Variants in ARMH4 observed in about 807,000 individuals in gnomAD.
The protein encoded by ARMH4 is armadillo like helical domain containing 4, also known as armadillo-like helical domain-containing protein 4.
In ARMH4, 49 loss-of-function variants were observed where a neutral mutation model predicts 61.9. The observed-to-expected ratio is 0.79, with a 90% CI of 0.63 to 1.00. The LOEUF is 1.00. ARMH4 is among the 50% of genes least tolerant of loss of function. ARMH4 has a pLI of 0.00. For missense variants in ARMH4, 934 were observed against 930.0 expected (o/e 1.00, Z -0.06); for synonymous variants, 368 against 341.5 (o/e 1.08, Z -0.85).
At chr14:58,123,767 T>C (rs1047529244) in intron 4 of ARMH4, among the ~76,000 whole-genome samples, 2 of 152,116 alleles carry the variant, frequency 1.3e-5, no homozygotes, top group Admixed American at 6.5e-5. Context: ...ATAGCCCCCA[T>C]CTATTTGGCC....
At chr14:58,019,114 G>C (rs1566542241) in intron 5 of ARMH4, among the ~76,000 whole-genome samples, 1 of 152,024 alleles carries the variant, frequency 6.6e-6, no homozygotes, top group Non-Finnish European at 1.5e-5. Context: ...GGTGTAGGAG[G>C]GGGTCACGTT....
At chr14:58,077,330 G>A (rs534614783) in intron 5 of ARMH4, among the ~76,000 whole-genome samples, 6 of 152,332 alleles carry the variant, frequency 3.9e-5, no homozygotes, top group East Asian at 3.9e-4. Flanking sequence ...TAGACTGTGC[G>A]TGGTGGTTCA....
In ARMH4 at chr14:58,032,185, G is replaced by C. The variant is rs539460744; in HGVS notation, c.2090-20035C>G. 2.0e-5 allele frequency among the ~76,000 whole-genome samples: 3 copies of C among 152,280 alleles called. No individual in the cohort carries two copies. The South Asian group carries it at 6.2e-4, about 32-fold the overall frequency. On this transcript the variant is annotated intron_variant, in intron 5 of 7. Coordinates refer to ENST00000267485, the MANE Select transcript of ARMH4 (RefSeq NM_001001872.4). ...TCTCTCATCTGGAGAACCCAGATGA[G>C]ACTTATGTGTTTTGCTCATTGCTGC...
chr14:58,108,505 G>T (rs532114367), intron 4 of ARMH4, among the ~76,000 whole-genome samples: 4 of 152,020 alleles, frequency 2.6e-5, no homozygotes, highest in Non-Finnish European at 5.9e-5. Flanking sequence ...GCTATATTTG[G>T]GGACTTTCTT....
intron 5 of ARMH4, among the ~76,000 whole-genome samples, chr14:58,016,016 C>T (rs1004229857): frequency 6.6e-6 from 1 of 151,538 alleles, no homozygotes; most frequent in Non-Finnish European, 1.5e-5. Context: ...TGAATGGATA[C>T]AGCTTTTCAA....
At chr14:58,007,985 A>G (rs571229323) in intron 6 of ARMH4, among the ~76,000 whole-genome samples, 1 of 152,246 alleles carries the variant, frequency 6.6e-6, no homozygotes, top group South Asian at 2.1e-4. Context: ...TTAAAGAAAC[A>G]TGACAACTAA....
intron 3 of ARMH4, among the ~76,000 whole-genome samples, chr14:58,132,383 G>A (rs1887137996): frequency 6.6e-6 from 1 of 152,120 alleles, no homozygotes; most frequent in African/African-American, 2.4e-5. Flanking sequence ...CAGAAGTTAA[G>A]AAACTTAGCT....
chr14:58,072,555 C>T (rs1034958257), intron 5 of ARMH4, among the ~76,000 whole-genome samples: 2 of 151,930 alleles, frequency 1.3e-5, no homozygotes, highest in African/African-American at 2.4e-5. Context: ...CCCATCTCTA[C>T]TAACAACACA....
intron 5 of ARMH4, among the ~76,000 whole-genome samples, chr14:58,094,059 G>T (rs574213608): frequency 9.2e-5 from 14 of 152,294 alleles, no homozygotes; most frequent in Admixed American, 2.6e-4. Flanking sequence ...GCTGGGCACG[G>T]TGGGTCATGC....
chr14:58,045,527 G>A (rs570828507), intron 5 of ARMH4, among the ~76,000 whole-genome samples: 2 of 151,936 alleles, frequency 1.3e-5, no homozygotes, highest in Non-Finnish European at 2.9e-5. Flanking sequence ...CGAGTTAATG[G>A]GTGCGGCACA....
intron 4 of ARMH4, among the ~76,000 whole-genome samples, chr14:58,124,855 T>C (rs1240271388): frequency 6.6e-6 from 1 of 152,158 alleles, no homozygotes; most frequent in Admixed American, 6.5e-5. Context: ...CAGGAACTAG[T>C]GCTCAGTTGG....
intron 4 of ARMH4, among the ~76,000 whole-genome samples, chr14:58,109,217 A>T (rs1417056229): frequency 6.6e-6 from 1 of 152,224 alleles, no homozygotes; most frequent in African/African-American, 2.4e-5. Flanking sequence ...ATCTAAAAAA[A>T]CTTTATTGTG....
intron 5 of ARMH4, among the ~76,000 whole-genome samples, chr14:58,059,381 G>A (rs1409021730): frequency 6.6e-6 from 1 of 152,268 alleles, no homozygotes; most frequent in East Asian, 1.9e-4. Context: ...TGCAACCCCA[G>A]ACAGTGATAT....
At chr14:58,089,984 A>G (rs1407517204) in intron 5 of ARMH4, among the ~76,000 whole-genome samples, 1 of 152,224 alleles carries the variant, frequency 6.6e-6, no homozygotes, top group African/African-American at 2.4e-5. Flanking sequence ...TGCTCAATGA[A>G]TATCTGGTTA....
chr14:58,133,782 G>T (rs1887210129), intron 2 of ARMH4, among the ~76,000 whole-genome samples: 1 of 152,182 alleles, frequency 6.6e-6, no homozygotes, highest in African/African-American at 2.4e-5. Flanking sequence ...TTAAAATAAA[G>T]GAGTAATAAT....
intron 4 of ARMH4, among the ~76,000 whole-genome samples, chr14:58,109,513 A>C (rs983007993): frequency 3.3e-5 from 5 of 152,162 alleles, no homozygotes; most frequent in Admixed American, 3.3e-4. Context: ...TCCTTGTCCA[A>C]ATATATAATT....
intron 2 of ARMH4, among the ~76,000 whole-genome samples, chr14:58,134,091 A>T (rs535274492): frequency 6.6e-6 from 1 of 152,258 alleles, no homozygotes; most frequent in African/African-American, 2.4e-5. Flanking sequence ...AAGATTAGAT[A>T]ACACAAGTAA....
intron 5 of ARMH4, among the ~76,000 whole-genome samples, chr14:58,022,705 G>C (rs1436843047): frequency 6.6e-6 from 1 of 152,076 alleles, no homozygotes; most frequent in Non-Finnish European, 1.5e-5. Flanking sequence ...CTACTTTTAG[G>C]GAGAGCTCAA....
At chr14:58,027,498 G>C (rs771942815) in intron 5 of ARMH4, among the ~76,000 whole-genome samples, 3 of 152,110 alleles carry the variant, frequency 2.0e-5, no homozygotes, top group Admixed American at 6.5e-5. Flanking sequence ...GTGACTCTTT[G>C]TGATGTCTTG....
Sources: allele counts gnomAD v4.1 joint callset (sites outside exome capture counted in the v4.1 genomes callset), GRCh38; gene constraint gnomAD v4.1.1; transcripts MANE v1.5; gene names NCBI Gene and HGNC (gene_info 2026-07-23, HGNC 2026-07-21).